The following APP variants were observed in gnomAD, a reference collection of about 807,000 sequenced individuals.
APP encodes amyloid beta precursor protein, also known as amyloid-beta precursor protein.
APP carries 31 observed loss-of-function variants against 101.4 expected under a neutral mutation model. The observed-to-expected ratio is 0.31, with a 90% CI of 0.23 to 0.41. The LOEUF is 0.41. Ranked by LOEUF, APP falls within the 10% of genes least tolerant of loss-of-function variation. The pLI is 1.00. For missense variants in APP, 839 were observed against 1,003.7 expected (o/e 0.84, Z 2.22); for synonymous variants, 366 against 364.4 (o/e 1.00, Z -0.05).
chr21:26,084,565 G>A (rs1216759318), intron 3 of APP, among the ~76,000 whole-genome samples: 3 of 152,060 alleles, frequency 2.0e-5, no homozygotes, highest in Non-Finnish European at 2.9e-5. Flanking sequence ...AGGTGTTCTT[G>A]CTTAATCAAA....
At chr21:25,982,746 G>C (rs557195289) in intron 8 of APP, among the ~76,000 whole-genome samples, 20 of 152,156 alleles carry the variant, frequency 1.3e-4, no homozygotes, top group Non-Finnish European at 2.5e-4. Flanking sequence ...AGTTCTTTAC[G>C]AAACAAGCAT....
chr21:26,167,610 C>G (rs534956962), intron 1 of APP, among the ~76,000 whole-genome samples: 3 of 152,332 alleles, frequency 2.0e-5, no homozygotes, highest in African/African-American at 7.2e-5. Context: ...TAGAGATCCT[C>G]TAGCAACAAG....
chr21:25,948,504 A>G (rs1201837143), intron 13 of APP, among the ~76,000 whole-genome samples: 1 of 152,148 alleles, frequency 6.6e-6, no homozygotes, highest in Non-Finnish European at 1.5e-5. Context: ...TTCACTATGG[A>G]TTTATTCAGC....
At chr21:25,991,026 G>C (rs116327349) in intron 8 of APP, among the ~76,000 whole-genome samples, 2,989 of 152,254 alleles carry the variant, frequency 0.02, 96 homozygotes, top group African/African-American at 0.067. Context: ...GCAGCAACTT[G>C]GATGGAGGTG....
chr21:25,898,308 T>G, intron 15 of APP, among the ~76,000 whole-genome samples: 1 of 152,236 alleles, frequency 6.6e-6, no homozygotes, highest in East Asian at 1.9e-4. Flanking sequence ...TAACAGAATT[T>G]ATAACCTACG....
At chr21:26,127,738 A>C (rs911006036) in intron 1 of APP, among the ~76,000 whole-genome samples, 1 of 152,212 alleles carries the variant, frequency 6.6e-6, no homozygotes, top group Admixed American at 6.5e-5. Context: ...GATTTCCTTT[A>C]TCTCTCAAAT....
intron 6 of APP, among the ~76,000 whole-genome samples, chr21:26,017,198 C>CAAAAAAAGAAAAAAAA (rs2044127065): frequency 1.8e-5 from 1 of 56,364 alleles, no homozygotes; most frequent in Non-Finnish European, 3.1e-5. Flanking sequence ...GACTGTATCT[C>CAAAAAAAGAAAAAAAA]AAAAAAAAAA....
rs571649545 is a variant in APP, at chr21:26,101,736, T to C, written c.225+10243A>G. Among the ~76,000 whole-genome samples the C allele has an allele frequency of 5.3e-5, 8 of 152,316 alleles. No homozygotes were observed. In the East Asian group the frequency reaches 1.5e-3, roughly 29 times the overall value. On this transcript the variant is annotated intron_variant, in intron 2 of 17. Coordinates refer to ENST00000346798, the MANE Select transcript of APP (RefSeq NM_000484.4). The stretch of plus-strand genomic sequence containing the variant: ...ACTCTTGGAAACAAGCTAATTTTTC[T>C]AAAAGTGTCTTGACCAGAAAGCATT...
At chr21:25,912,008 ACAGCAGCAG>A (rs573530195) in intron 13 of APP, 46 bp from the exon 14 acceptor site, 6 of 1,444,288 alleles carry the variant, frequency 4.2e-6, no homozygotes, top group Admixed American at 1.7e-5. Flanking sequence ...AACAATCACA[ACAGCAGCAG>A]CAGCAGCAGC....
Position 26,062,661 on chromosome 21 carries a change from CAAAT to C in APP, c.356-9317_356-9314del, listed in dbSNP as rs10529214. ...TGGGTGACAGAGGGAGACTCTGTCT[CAAAT>C]AAATAAATAAATAAATAAATAAATA... On this transcript the variant is annotated intron_variant, in intron 3 of 17. Transcript: ENST00000346798. Among the ~76,000 whole-genome samples the C allele has an allele frequency of 5.1e-3, 743 of 145,364 alleles. 10 individuals are homozygous for C. The highest frequency in any genetic ancestry group is 0.017 in the African/African-American group (675 of 39,458).
At chr21:26,153,378 G>T (rs1158154626) in intron 1 of APP, among the ~76,000 whole-genome samples, 2 of 152,146 alleles carry the variant, frequency 1.3e-5, no homozygotes, top group African/African-American at 4.8e-5. Context: ...AGAAAACACT[G>T]TTTTAAAAAT....
intron 6 of APP, among the ~76,000 whole-genome samples, chr21:26,004,322 G>GCCCAGGCT (rs2043424462): frequency 9.0e-6 from 1 of 110,886 alleles, no homozygotes; most frequent in Non-Finnish European, 1.7e-5. Flanking sequence ...TCGCTCTGTT[G>GCCCAGGCT]CCCAGGCTGG....
At chr21:25,897,547 G>A (rs199972663) in intron 16 of APP, 26 bp downstream of exon 16, 128 of 1,542,752 alleles carry the variant, frequency 8.3e-5, no homozygotes, top group South Asian at 3.2e-4. Flanking sequence ...AAACAGTAGT[G>A]GAAAGAGGTA....
At chr21:25,951,587 A>G (rs1200577827) in intron 13 of APP, among the ~76,000 whole-genome samples, 1 of 152,226 alleles carries the variant, frequency 6.6e-6, no homozygotes, top group Non-Finnish European at 1.5e-5. Context: ...CTCCAAATCT[A>G]AAATTTGATT....
intron 5 of APP, among the ~76,000 whole-genome samples, chr21:26,038,475 A>C (rs575257010): frequency 1.3e-5 from 2 of 152,244 alleles, no homozygotes; most frequent in South Asian, 4.1e-4. Context: ...TAAGAAAAAA[A>C]TCACCCCAGC....
intron 8 of APP, among the ~76,000 whole-genome samples, chr21:25,991,584 G>A (rs1229268239): frequency 6.6e-6 from 1 of 152,174 alleles, no homozygotes; most frequent in African/African-American, 2.4e-5. Context: ...CGCCATGTTG[G>A]CCAGGCTGGT....
chr21:25,916,251 C>T (rs1269854091), intron 13 of APP, among the ~76,000 whole-genome samples: 1 of 152,210 alleles, frequency 6.6e-6, no homozygotes, highest in East Asian at 1.9e-4. Flanking sequence ...ATCTGCCTGC[C>T]TTGGCCTCCC....
chr21:25,998,054 C>T (rs1163428826), intron 7 of APP, among the ~76,000 whole-genome samples: 1 of 152,152 alleles, frequency 6.6e-6, no homozygotes, highest in African/African-American at 2.4e-5. Flanking sequence ...GATGGCAGTA[C>T]TGGGGTGAGG....
chr21:26,121,513 G>C lies in APP; in HGVS notation c.58-9367C>G, dbSNP rs578014689. 1.2e-4 allele frequency among the ~76,000 whole-genome samples: 19 copies of C among 152,134 alleles called. No individual in the cohort carries two copies. The South Asian group carries it at 3.3e-3, about 27-fold the overall frequency. On this transcript the variant is annotated intron_variant, in intron 1 of 17. Coordinates refer to ENST00000346798, the MANE Select transcript of APP (RefSeq NM_000484.4). ...AGCGATTCTCCTGCCTCAGCCTCCT[G>C]AGTAGCTGGGATTACAGGCGCGCGT...
Sources: gnomAD v4.1 joint callset for allele counts (sites outside exome capture counted in the v4.1 genomes callset) on GRCh38, gnomAD v4.1.1 for gene constraint, MANE v1.5 for transcripts, NCBI Gene and HGNC (gene_info 2026-07-23, HGNC 2026-07-21) for gene names.